ITGA1: variants seen among roughly 807,000 people sequenced by gnomAD.
ITGA1 encodes integrin subunit alpha 1.
Under a neutral mutation model 145.9 loss-of-function variants are expected in ITGA1, and 85 were observed. That is an observed-to-expected ratio of 0.58 (90% CI 0.49 to 0.70). ITGA1 has a LOEUF of 0.70. ITGA1 is among the 30% of genes least tolerant of loss of function. The pLI is 0.00. For missense variants in ITGA1, 1,351 were observed against 1,418.7 expected, an observed-to-expected ratio of 0.95 and a Z score of 0.77; for synonymous variants, 520 against 495.3, an observed-to-expected ratio of 1.05 and a Z score of -0.66.
intron 2 of ITGA1, among the ~76,000 whole-genome samples, chr5:52,860,809 T>C (rs1008538900): frequency 6.6e-6 from 1 of 152,230 alleles, no homozygotes; most frequent in Non-Finnish European, 1.5e-5. Flanking sequence ...TTATATGTTT[T>C]TTCCATTAAT....
intron 1 of ITGA1, among the ~76,000 whole-genome samples, chr5:52,841,529 T>C (rs1052667585): frequency 6.6e-6 from 1 of 152,160 alleles, no homozygotes; most frequent in Admixed American, 6.5e-5. Flanking sequence ...CAGTTATACT[T>C]TGAGTCAAAT....
chr5:52,894,158 T>A (rs1579703242), intron 9 of ITGA1, among the ~76,000 whole-genome samples: 1 of 152,152 alleles, frequency 6.6e-6, no homozygotes, highest in African/African-American at 2.4e-5. Context: ...TTCTGTTACA[T>A]AGATTTGGAA....
chr5:52,888,711 G>T (rs1750095200), intron 8 of ITGA1, among the ~76,000 whole-genome samples: 1 of 152,228 alleles, frequency 6.6e-6, no homozygotes, highest in Non-Finnish European at 1.5e-5. Context: ...TTTTAACAGT[G>T]TGCTTCTTCA....
chr5:52,941,085 GT>G (rs1751047233), intron 26 of ITGA1, among the ~76,000 whole-genome samples: 1 of 152,118 alleles, frequency 6.6e-6, no homozygotes, highest in African/African-American at 2.4e-5. Flanking sequence ...CCATCTGCAT[GT>G]ATGTTGCTGC....
intron 7 of ITGA1, 133 bp downstream of exon 7, chr5:52,882,154 A>G: frequency 1.5e-6 from 1 of 680,250 alleles, no homozygotes; most frequent in South Asian, 2.7e-5. Flanking sequence ...GAGATTCAGA[A>G]GATTAAATAA....
chr5:52,938,549 C>T (rs979765630), intron 24 of ITGA1, among the ~76,000 whole-genome samples: 1 of 152,024 alleles, frequency 6.6e-6, no homozygotes, highest in Non-Finnish European at 1.5e-5. Context: ...TCCCTCTAAT[C>T]CAAAAAAGCA....
chr5:52,910,134 A>G (rs1750480262), intron 13 of ITGA1, 28 bp from the exon 14 acceptor site: 12 of 1,587,526 alleles, frequency 7.6e-6, no homozygotes, highest in Admixed American at 1.7e-5. Flanking sequence ...ATGGAAATAC[A>G]TAAATATCCT....
rs76596362 is a variant in ITGA1, at chr5:52,879,182, A to G, written c.625-2691A>G. 4.5e-3 allele frequency among the ~76,000 whole-genome samples: 682 copies of G among 152,222 alleles called. 12 individuals are homozygous for G. In the East Asian group the frequency reaches 0.056, roughly 13 times the overall value. The stretch of plus-strand genomic sequence containing the variant: ...TGATGCTGGGGAGGTCAAAGAAATG[A>G]GAGACTAGGGTATTCCACAGATTAT... On this transcript the variant is annotated intron_variant, in intron 6 of 28. Coordinates refer to ENST00000282588, the MANE Select transcript of ITGA1 (RefSeq NM_181501.2).
intron 1 of ITGA1, among the ~76,000 whole-genome samples, chr5:52,806,983 T>C (rs1748598071): frequency 6.6e-6 from 1 of 152,216 alleles, no homozygotes; most frequent in Non-Finnish European, 1.5e-5. Context: ...ACATTTATGA[T>C]AAATTGTGGA....
At chr5:52,860,344 G>A (rs911765753) in intron 2 of ITGA1, among the ~76,000 whole-genome samples, 1 of 152,092 alleles carries the variant, frequency 6.6e-6, no homozygotes, top group South Asian at 2.1e-4. Flanking sequence ...TCAAGAGACC[G>A]AGACTATCCT....
chr5:52,848,701 A>G (rs1449943313), intron 1 of ITGA1, among the ~76,000 whole-genome samples: 1 of 151,694 alleles, frequency 6.6e-6, no homozygotes, highest in Non-Finnish European at 1.5e-5. Context: ...TACATTAGGT[A>G]TATCTCCTAA....
Position 52,893,732 on chromosome 5 carries a change from A to G in ITGA1, c.982A>G (p.Lys328Glu). 6.2e-7 allele frequency: 1 copy of G among 1,613,182 alleles called. No individual in the cohort carries two copies. The highest frequency in any genetic ancestry group is 8.5e-7 in the Non-Finnish European group (1 of 1,179,386). ...LSTEKFVEEI[K>E]SIASEPTEKH... ...CACTGAAAAATTTGTGGAGGAAATAAAATCAATTGCAAGTGAACCCACTGA... is the reference window on the plus strand; with the variant it reads ...CACTGAAAAATTTGTGGAGGAAATAGAATCAATTGCAAGTGAACCCACTGA... Residue 328 changes from lysine (K) to glutamate (E), a missense_variant, in exon 9 of 29, where the codon AAA becomes GAA. Transcript: ENST00000282588.
intron 2 of ITGA1, among the ~76,000 whole-genome samples, chr5:52,850,342 T>C (rs1749410615): frequency 6.6e-6 from 1 of 152,200 alleles, no homozygotes; most frequent in Non-Finnish European, 1.5e-5. Context: ...TTGAAAATTA[T>C]ATAAACTGAA....
In ITGA1 at chr5:52,863,260, G is replaced by A. The variant is rs542790088; in HGVS notation, c.296-1503G>A. Among the ~76,000 whole-genome samples the A allele has an allele frequency of 3.9e-5, 6 of 152,210 alleles. No individual in the cohort carries two copies. The East Asian group carries it at 7.7e-4, about 20-fold the overall frequency. On this transcript the variant is annotated intron_variant, in intron 3 of 28. Coordinates refer to ENST00000282588, the MANE Select transcript of ITGA1 (RefSeq NM_181501.2). ...CTGGGCTATTTGAAATATACTCTGC[G>A]CATTTACTATTCAAGTCATCTAGTT...
intron 2 of ITGA1, among the ~76,000 whole-genome samples, chr5:52,856,669 A>G (rs185453296): frequency 1.2e-3 from 152 of 131,012 alleles, no homozygotes; most frequent in African/African-American, 4.5e-3. Flanking sequence ...TTTCCAAAGA[A>G]GAAAAAGAGA....
At chr5:52,940,520 T>C (rs1012228978) in intron 26 of ITGA1, among the ~76,000 whole-genome samples, 4 of 151,784 alleles carry the variant, frequency 2.6e-5, no homozygotes, top group African/African-American at 9.7e-5. Context: ...GCCATTCTCC[T>C]GCCTCAGCCT....
At chr5:52,839,029 C>T (rs894198214) in intron 1 of ITGA1, among the ~76,000 whole-genome samples, 6 of 152,124 alleles carry the variant, frequency 3.9e-5, no homozygotes, top group East Asian at 3.9e-4. Context: ...CTGGCGAGGC[C>T]GAGGCTGCAG....
chr5:52,793,438 T>A (rs563506708), intron 1 of ITGA1, among the ~76,000 whole-genome samples: 1 of 152,160 alleles, frequency 6.6e-6, no homozygotes, highest in African/African-American at 2.4e-5. Context: ...AGTTGAAAGA[T>A]GCACCATTAT....
chr5:52,820,884 G>T (rs1748869062), intron 1 of ITGA1, among the ~76,000 whole-genome samples: 1 of 152,058 alleles, frequency 6.6e-6, no homozygotes, highest in African/African-American at 2.4e-5. Flanking sequence ...CCAATTTAAG[G>T]TTGTCTGTTT....
Sources: allele counts gnomAD v4.1 joint callset (sites outside exome capture counted in the v4.1 genomes callset), GRCh38; gene constraint gnomAD v4.1.1; transcripts MANE v1.5; gene names NCBI Gene and HGNC (gene_info 2026-07-23, HGNC 2026-07-21).